Variants in PRLR observed in about 807,000 individuals in gnomAD.
PRLR encodes prolactin receptor, also known as hPRL receptor.
Under a neutral mutation model 40.2 loss-of-function variants are expected in PRLR, and 13 were observed. That is an observed-to-expected ratio of 0.32 (90% CI 0.21 to 0.51). The LOEUF (loss-of-function observed/expected upper bound fraction) is 0.51. Ranked by LOEUF, PRLR falls within the 20% of genes least tolerant of loss-of-function variation. The probability of loss-of-function intolerance (pLI) is 0.97; values close to 1 mark genes in which losing one functional copy is unlikely to be tolerated. For synonymous variants in PRLR, 269 were observed against 278.7 expected (o/e 0.97, Z 0.35); for missense variants, 656 against 747.3 (o/e 0.88, Z 1.42).
At chr5:35,076,810 C>A (rs754517951) in intron 5 of PRLR, among the ~76,000 whole-genome samples, 3 of 152,098 alleles carry the variant, frequency 2.0e-5, no homozygotes, top group Non-Finnish European at 4.4e-5. Context: ...GTCAGGCTAC[C>A]CACAAAGGGA....
chr5:35,118,004 G>A (rs866169856), intron 2 of PRLR, 57 bp downstream of exon 2: 3 of 890,488 alleles, frequency 3.4e-6, no homozygotes, highest in Middle Eastern at 5.7e-4. Flanking sequence ...TGGATGAAAC[G>A]GACAGTGGGG....
intron 2 of PRLR, among the ~76,000 whole-genome samples, chr5:35,103,760 T>C (rs1178072196): frequency 1.3e-5 from 2 of 152,114 alleles, no homozygotes; most frequent in Non-Finnish European, 2.9e-5. Flanking sequence ...ATAAGAACAA[T>C]AGAATTTGGA....
intron 1 of PRLR, among the ~76,000 whole-genome samples, chr5:35,173,054 T>C (rs1302739140): frequency 6.6e-6 from 1 of 152,140 alleles, no homozygotes; most frequent in African/African-American, 2.4e-5. Context: ...TCTAGAAAAA[T>C]TAGCCTTGAA....
chr5:35,160,043 G>A (rs995329994), intron 1 of PRLR, among the ~76,000 whole-genome samples: 2 of 152,174 alleles, frequency 1.3e-5, no homozygotes, highest in African/African-American at 4.8e-5. Context: ...CAGAGAGGAA[G>A]AGCATTACCC....
chr5:35,187,204 C>G (rs992875879), intron 1 of PRLR, among the ~76,000 whole-genome samples: 5 of 152,190 alleles, frequency 3.3e-5, no homozygotes, highest in African/African-American at 1.2e-4. Flanking sequence ...AGTTTGAGAC[C>G]AGTCTGGCCA....
chr5:35,164,472 A>G (rs1774764711), intron 1 of PRLR, among the ~76,000 whole-genome samples: 1 of 152,164 alleles, frequency 6.6e-6, no homozygotes, highest in Non-Finnish European at 1.5e-5. Context: ...ATTCCGGGCA[A>G]TGAAAATAGC....
chr5:35,205,231 C>CA (rs1252274903), intron 1 of PRLR, among the ~76,000 whole-genome samples: 1 of 152,006 alleles, frequency 6.6e-6, no homozygotes, highest in Non-Finnish European at 1.5e-5. Flanking sequence ...GAAGAAGTTC[C>CA]AATCTTCAAC....
At chr5:35,105,879 C>T (rs1772209523) in intron 2 of PRLR, among the ~76,000 whole-genome samples, 1 of 152,116 alleles carries the variant, frequency 6.6e-6, no homozygotes, top group South Asian at 2.1e-4. Context: ...CAGAGAACGC[C>T]ACAAAGATAC....
chr5:35,150,821 T>C (rs753770727), intron 1 of PRLR, among the ~76,000 whole-genome samples: 38 of 152,216 alleles, frequency 2.5e-4, no homozygotes, highest in Admixed American at 1.3e-4. Flanking sequence ...AAGAGACATT[T>C]TCTCCCCACA....
In PRLR at chr5:35,065,392, T is replaced by C; in HGVS notation, c.1566A>G (p.Ser522=). ...IHKVNKDGAL[S]LLPKQRENSG... ...TGTTCTCTCTCTGTTTTGGTAGCAATGATAATGCACCATCTTTGTTGACCT... is the reference window on the plus strand; with the variant it reads ...TGTTCTCTCTCTGTTTTGGTAGCAACGATAATGCACCATCTTTGTTGACCT... Residue 522 remains serine, a synonymous_variant, in exon 10 of 10, where the codon TCA becomes TCG. Transcript: ENST00000618457. 1 of 1,614,190 alleles carries C rather than the reference T, an allele frequency of 6.2e-7. No homozygotes were observed. Among genetic ancestry groups the C allele is most frequent in the Non-Finnish European group, 8.5e-7 (1 of 1,180,022 alleles).
intron 1 of PRLR, among the ~76,000 whole-genome samples, chr5:35,149,892 C>G (rs1291626447): frequency 7.9e-5 from 12 of 151,826 alleles, no homozygotes; most frequent in Non-Finnish European, 1.6e-4. Flanking sequence ...GAGTTTCACT[C>G]TTGTTGCCCA....
chr5:35,121,833 T>C (rs1441972324), intron 1 of PRLR, among the ~76,000 whole-genome samples: 1 of 152,206 alleles, frequency 6.6e-6, no homozygotes, highest in Non-Finnish European at 1.5e-5. Context: ...CAACCACAAT[T>C]CCATTCTGCT....
chr5:35,097,797 C>G (rs1472299795), intron 2 of PRLR, among the ~76,000 whole-genome samples: 1 of 152,140 alleles, frequency 6.6e-6, no homozygotes, highest in Non-Finnish European at 1.5e-5. Flanking sequence ...CCACTGCCTA[C>G]TTCAGATCAT....
At chr5:35,201,389 A>G (rs1164649203) in intron 1 of PRLR, among the ~76,000 whole-genome samples, 2 of 152,190 alleles carry the variant, frequency 1.3e-5, no homozygotes. Flanking sequence ...AAGGAAAATG[A>G]TATTTTACCC....
intron 1 of PRLR, among the ~76,000 whole-genome samples, chr5:35,197,479 T>G (rs1775767998): frequency 6.6e-6 from 1 of 152,202 alleles, no homozygotes; most frequent in Non-Finnish European, 1.5e-5. Context: ...GATTGGTGCT[T>G]AGGTGAATGA....
chr5:35,068,938 C>T (rs1458488750), intron 7 of PRLR, 60 bp from the exon 8 acceptor site: 1 of 1,271,926 alleles, frequency 7.9e-7, no homozygotes, highest in East Asian at 2.4e-5. Flanking sequence ...AACAAACCAA[C>T]CTAATGAATG....
intron 1 of PRLR, among the ~76,000 whole-genome samples, chr5:35,214,639 A>C (rs1284679566): frequency 1.7e-4 from 26 of 152,342 alleles, no homozygotes; most frequent in Non-Finnish European, 7.3e-5. Flanking sequence ...AAGCAAACAC[A>C]GCAAAAAGAA....
At chr5:35,198,522 CT>C (rs1775797190) in intron 1 of PRLR, among the ~76,000 whole-genome samples, 1 of 152,186 alleles carries the variant, frequency 6.6e-6, no homozygotes, top group Non-Finnish European at 1.5e-5. Context: ...TTGCCTCTCT[CT>C]TTCCTCAGAT....
intron 1 of PRLR, among the ~76,000 whole-genome samples, chr5:35,161,917 A>C (rs956243907): frequency 6.6e-6 from 1 of 152,244 alleles, no homozygotes; most frequent in Non-Finnish European, 1.5e-5. Flanking sequence ...TTCTTTTCCA[A>C]AAGTCTTGTG....
Sources: allele counts gnomAD v4.1 joint callset (sites outside exome capture counted in the v4.1 genomes callset), GRCh38; gene constraint gnomAD v4.1.1; transcripts MANE v1.5; gene names NCBI Gene and HGNC (gene_info 2026-07-23, HGNC 2026-07-21).